Variants in EPHA6 observed in about 807,000 individuals in gnomAD.
EPHA6 encodes the protein ephrin type-A receptor 6.
Under a neutral mutation model 112.0 loss-of-function variants are expected in EPHA6, and 50 were observed. The observed-to-expected ratio is 0.45, with a 90% CI of 0.36 to 0.56. The LOEUF (loss-of-function observed/expected upper bound fraction) is 0.56, where lower values mean the gene tolerates loss of function less well. EPHA6 is among the 20% of genes least tolerant of loss of function. The probability of loss-of-function intolerance (pLI) is 0.00; values close to 1 mark genes in which losing one functional copy is unlikely to be tolerated. For missense variants in EPHA6, 1,280 were observed against 1,417.4 expected, an observed-to-expected ratio of 0.90 and a Z score of 1.56; for synonymous variants, 529 against 490.7, an observed-to-expected ratio of 1.08 and a Z score of -1.03.
intron 1 of EPHA6, among the ~76,000 whole-genome samples, chr3:96,865,711 AAAAAG>A (rs1400892114): frequency 1.3e-5 from 2 of 151,398 alleles, no homozygotes; most frequent in African/African-American, 2.4e-5. Context: ...AAAAAAAAAA[AAAAAG>A]GAAAAAGAAA....
chr3:96,989,763 A>G (rs1218081356), intron 3 of EPHA6, among the ~76,000 whole-genome samples: 5 of 152,108 alleles, frequency 3.3e-5, no homozygotes, highest in African/African-American at 1.2e-4. Flanking sequence ...CTTTCAAACA[A>G]CCAGATCTCA....
At chr3:97,289,608 G>T (rs1474677211) in intron 5 of EPHA6, among the ~76,000 whole-genome samples, 1 of 151,744 alleles carries the variant, frequency 6.6e-6, no homozygotes, top group Non-Finnish European at 1.5e-5. Flanking sequence ...TTCCTAATTT[G>T]GTACTTTTTT....
At chr3:96,988,699 A>G (rs1344982149) in intron 3 of EPHA6, among the ~76,000 whole-genome samples, 1 of 152,124 alleles carries the variant, frequency 6.6e-6, no homozygotes, top group African/African-American at 2.4e-5. Flanking sequence ...CTATTATTAC[A>G]TAGAATTTTT....
chr3:97,359,909 C>A (rs1241370537), intron 5 of EPHA6, among the ~76,000 whole-genome samples: 2 of 152,046 alleles, frequency 1.3e-5, no homozygotes, highest in Non-Finnish European at 2.9e-5. Context: ...CTGTGTCTTT[C>A]TCTTTTGTGC....
intron 14 of EPHA6, among the ~76,000 whole-genome samples, chr3:97,664,918 CA>C (rs1396990024): frequency 2.2e-4 from 34 of 152,214 alleles, no homozygotes; most frequent in African/African-American, 7.7e-4. Context: ...GATTCAATGC[CA>C]ACCCCATCAA....
At chr3:97,068,218 T>G (rs1048315373) in intron 3 of EPHA6, among the ~76,000 whole-genome samples, 13 of 151,176 alleles carry the variant, frequency 8.6e-5, no homozygotes, top group Non-Finnish European at 4.4e-5. Flanking sequence ...TTTTTGGTTG[T>G]TTAATGGTGG....
intron 1 of EPHA6, among the ~76,000 whole-genome samples, chr3:96,821,957 TTGG>T (rs2107223182): frequency 6.6e-6 from 1 of 151,984 alleles, no homozygotes; most frequent in South Asian, 2.1e-4. Context: ...TTTCAATTAC[TTGG>T]TGGTTTCTAT....
At chr3:97,595,565 A>T (rs531495802) in intron 12 of EPHA6, among the ~76,000 whole-genome samples, 1 of 152,220 alleles carries the variant, frequency 6.6e-6, no homozygotes, top group Admixed American at 6.5e-5. Flanking sequence ...GAATTGCTTT[A>T]TCCCGGTACG....
At chr3:97,424,485 T>C (rs1366490252) in intron 6 of EPHA6, among the ~76,000 whole-genome samples, 1 of 152,086 alleles carries the variant, frequency 6.6e-6, no homozygotes, top group African/African-American at 2.4e-5. Context: ...GGCAAGTCCC[T>C]TCTGCCTATG....
chr3:97,635,298 T>C (rs1370494966), intron 13 of EPHA6, among the ~76,000 whole-genome samples: 1 of 152,108 alleles, frequency 6.6e-6, no homozygotes, highest in Non-Finnish European at 1.5e-5. Flanking sequence ...ATTAGAACCG[T>C]TATTACCATG....
chr3:97,154,411 T>C (rs1321167095), intron 3 of EPHA6, among the ~76,000 whole-genome samples: 2 of 152,164 alleles, frequency 1.3e-5, no homozygotes, highest in African/African-American at 4.8e-5. Flanking sequence ...TTTGGTATAT[T>C]TCCACATTAT....
chr3:97,335,608 C>T (rs185726417), intron 5 of EPHA6, among the ~76,000 whole-genome samples: 2 of 152,138 alleles, frequency 1.3e-5, no homozygotes, highest in African/African-American at 4.8e-5. Context: ...TAGCCTCCAT[C>T]CCTTACCCAG....
intron 3 of EPHA6, among the ~76,000 whole-genome samples, chr3:97,014,035 T>G (rs967363062): frequency 6.6e-6 from 1 of 152,148 alleles, no homozygotes; most frequent in Non-Finnish European, 1.5e-5. Flanking sequence ...ATGGTGAATA[T>G]TTTATCATTA....
intron 14 of EPHA6, among the ~76,000 whole-genome samples, chr3:97,694,983 T>C (rs2032937911): frequency 1.3e-5 from 2 of 152,220 alleles, no homozygotes; most frequent in African/African-American, 4.8e-5. Context: ...TCCATCAAAA[T>C]GTGTTTTTTT....
intron 5 of EPHA6, among the ~76,000 whole-genome samples, chr3:97,290,560 A>G (rs1294225165): frequency 6.6e-6 from 1 of 152,088 alleles, no homozygotes; most frequent in Non-Finnish European, 1.5e-5. Flanking sequence ...ACTTTTTATA[A>G]CTGATTCTCT....
At chr3:97,439,423 G>A (rs2090022960) in intron 6 of EPHA6, among the ~76,000 whole-genome samples, 1 of 152,106 alleles carries the variant, frequency 6.6e-6, no homozygotes, top group South Asian at 2.1e-4. Flanking sequence ...AAACATTTTA[G>A]AGCACCTTAC....
At chr3:96,904,358 C>CA (rs1246300068) in intron 2 of EPHA6, among the ~76,000 whole-genome samples, 1 of 147,978 alleles carries the variant, frequency 6.8e-6, no homozygotes, top group Non-Finnish European at 1.5e-5. Context: ...ACTGCAAGGA[C>CA]AAAAAACCAA....
rs774943115 is a variant in EPHA6 at position 97,592,651 on chromosome 3, G to A, written c.2426G>A (p.Ser809Asn). 1 of 1,613,556 alleles carries A rather than the reference G, an allele frequency of 6.2e-7. No homozygotes were observed. The highest frequency in any genetic ancestry group is 8.5e-7 in the Non-Finnish European group (1 of 1,179,738). ...PAIGVEAFCP[S>N]FLRAGFLNSI... ...ATTGGGGTGGAGGCGTTTTGCCCCA[G>A]CTTCCTGAGGGCAGGGTTTTTAAAT... Residue 809 changes from serine (S) to asparagine (N), a missense_variant, in exon 12 of 18, where the codon AGC (serine) becomes AAC (asparagine). Around this residue, in one of 4 missense-constraint regions of EPHA6, gnomAD observed 878 missense variants for 999.7 expected, o/e 0.88. Transcript: ENST00000389672.
chr3:96,836,310 C>G (rs1051805953), intron 1 of EPHA6, among the ~76,000 whole-genome samples: 2 of 152,016 alleles, frequency 1.3e-5, no homozygotes, highest in African/African-American at 4.8e-5. Context: ...AACCTTTTTC[C>G]TAGGTTGGCA....
Sources: gnomAD v4.1 joint callset for allele counts (sites outside exome capture counted in the v4.1 genomes callset) on GRCh38, gnomAD v4.1.1 for gene constraint, gnomAD v4.1.1 regional missense constraint, MANE v1.5 for transcripts, NCBI Gene and HGNC (gene_info 2026-07-23, HGNC 2026-07-21) for gene names.